The following ATL3 variants were observed in gnomAD, a reference collection of about 807,000 sequenced individuals.
The protein encoded by ATL3 is atlastin-3.
In ATL3, 49 loss-of-function variants were observed where a neutral mutation model predicts 69.5. The observed-to-expected ratio is 0.71, with a 90% confidence interval of 0.56 to 0.89. ATL3 has a LOEUF of 0.89. Ranked by LOEUF, ATL3 falls within the 40% of genes least tolerant of loss-of-function variation. ATL3 has a pLI of 0.00. For missense variants in ATL3, 606 were observed against 645.7 expected (o/e 0.94, Z 0.67); for synonymous variants, 214 against 224.1 (o/e 0.95, Z 0.40).
At chr11:63,649,343 A>G (rs2134501884) in intron 5 of ATL3, among the ~76,000 whole-genome samples, 1 of 152,128 alleles carries the variant, frequency 6.6e-6, no homozygotes, top group South Asian at 2.1e-4. Context: ...ACGGGGTTTC[A>G]CCATGTTTGC....
rs1478158059 is a variant in ATL3, at chr11:63,632,926, T to TG, written c.1107+99_1107+100insC. ...ACCTGAATATAAGTTTATTGCCTCA[T>TG]CACTTAAAGATACATTAAGTAGGAT... On this transcript the variant is annotated intron_variant, in intron 11 of 12. Transcript: ENST00000398868. The TG allele has an allele frequency of 3.8e-6, 4 of 1,061,108 alleles. No individual in the cohort carries two copies. In the African/African-American group the frequency reaches 6.3e-5, roughly 17 times the overall value. The allele number at this position is 1,061,108 out of a possible 1,614,324, so 65.7% of individuals were successfully genotyped here. A position where few individuals can be genotyped will look rare whatever the true frequency, so the allele number is the denominator to read the frequency against.
At chr11:63,671,724 C>T (rs746048708), upstream of ATL3, 1 of 1,263,216 alleles carries the variant, frequency 7.9e-7, no homozygotes. Flanking sequence ...ATACTGCGCA[C>T]TCATCTGGGG....
chr11:63,664,193 A>G (rs922394978), intron 1 of ATL3, among the ~76,000 whole-genome samples: 2 of 152,218 alleles, frequency 1.3e-5, no homozygotes, highest in African/African-American at 2.4e-5. Context: ...GGACTTTACA[A>G]TTAAGTTCAT....
At chr11:63,646,475 G>A (rs775915178) in intron 6 of ATL3, 32 bp downstream of exon 6, 1 of 1,331,422 alleles carries the variant, frequency 7.5e-7, no homozygotes, top group Non-Finnish European at 1.0e-6. Context: ...AAAAACAAAG[G>A]TATGAATTAT....
chr11:63,661,803 C>A lies in ATL3; in HGVS notation c.47-2551G>T, dbSNP rs576317047. 5.9e-4 allele frequency among the ~76,000 whole-genome samples: 89 copies of A among 149,698 alleles called. 1 individual carries two copies. In the South Asian group the frequency reaches 0.019, roughly 31 times the overall value. ...ACTTAGGAGGCTGAGGCAGGAGAAT[C>A]GCTTGAACCCAGTAGGTGGAGGTTG... On this transcript the variant is annotated intron_variant, in intron 1 of 12. Transcript: ENST00000398868.
intron 8 of ATL3, among the ~76,000 whole-genome samples, chr11:63,641,617 G>C (rs1590726710): frequency 2.0e-5 from 3 of 152,292 alleles, no homozygotes; most frequent in South Asian, 4.1e-4. Context: ...GTGTGGGACA[G>C]GTTCTCCTTC....
rs769601942 is a variant in ATL3, at chr11:63,631,453, G to A, written c.1126C>T (p.Pro376Ser). The change falls in exon 12 of 13, where the codon CCT (proline) becomes TCT (serine). Residue 376 changes from proline (P) to serine (S), a missense_variant. Transcript: ENST00000398868. ...NMEEVCGGEK[P>S]YLSPDILEEK... ...TCTAGAATGTCTGGAGACAAATAAG[G>A]TTTCTCTCCCCCACAAACCTAAAAA... The A allele has an allele frequency of 6.2e-7, 1 of 1,606,880 alleles. No individual in the cohort carries two copies. Among genetic ancestry groups the A allele is most frequent in the Non-Finnish European group, 8.5e-7 (1 of 1,176,234 alleles).
intron 6 of ATL3, among the ~76,000 whole-genome samples, chr11:63,645,623 C>T (rs1308475847): frequency 2.6e-5 from 4 of 151,928 alleles, no homozygotes; most frequent in African/African-American, 9.7e-5. Flanking sequence ...GACGGTCTTG[C>T]TTTGTTACCC....
intron 11 of ATL3, chr11:63,632,528 A>G: frequency 1.2e-6 from 1 of 865,032 alleles, no homozygotes. Flanking sequence ...GATTTCTTTA[A>G]AAGCTACAGT....
At chr11:63,646,070 T>TC (rs1382573291) in intron 6 of ATL3, among the ~76,000 whole-genome samples, 5 of 151,242 alleles carry the variant, frequency 3.3e-5, no homozygotes, top group Non-Finnish European at 1.5e-5. Context: ...ACCCCCATTT[T>TC]TTTAAGAGAT....
At chr11:63,630,265 A>T (rs1018454089) in intron 12 of ATL3, among the ~76,000 whole-genome samples, 2 of 151,342 alleles carry the variant, frequency 1.3e-5, no homozygotes, top group African/African-American at 2.4e-5. Flanking sequence ...AAAAAAAAAA[A>T]AATACAGAAA....
rs1319331095 is a variant in ATL3, at chr11:63,631,464, C to T, written c.1115G>A (p.Gly372Glu). Residue 372 changes from glycine to glutamate, a missense_variant, in exon 12 of 13, where the codon GGG becomes GAG. Gly to Glu is a moderately conservative substitution (Grantham distance 98, BLOSUM62 -2). Coordinates refer to ENST00000398868, the MANE Select transcript of ATL3 (RefSeq NM_015459.5). ...IYYNNMEEVCGGEKPYLSPDI... is the reference protein window; with the variant it reads ...IYYNNMEEVCEGEKPYLSPDI... ...TGGAGACAAATAAGGTTTCTCTCCC[C>T]CACAAACCTAAAAAGAACAAAGAAA... is the stretch of plus-strand genomic sequence containing the variant. The T allele has an allele frequency of 6.3e-7, 1 of 1,594,668 alleles. No homozygotes were observed. Among genetic ancestry groups the T allele is most frequent in the Non-Finnish European group, 8.5e-7 (1 of 1,172,008 alleles).
chr11:63,643,219 A>G (rs1375129408), intron 8 of ATL3, 138 bp downstream of exon 8: 1 of 944,210 alleles, frequency 1.1e-6, no homozygotes, highest in Non-Finnish European at 1.5e-6. Context: ...CAGGAGCAAA[A>G]TCTGAACTAG....
At chr11:63,635,907 C>A (rs1240148451) in intron 9 of ATL3, among the ~76,000 whole-genome samples, 1 of 146,696 alleles carries the variant, frequency 6.8e-6, no homozygotes, top group Non-Finnish European at 1.5e-5. Context: ...GCCGTCTCCT[C>A]CTACTCACAG....
intron 8 of ATL3, among the ~76,000 whole-genome samples, chr11:63,639,197 C>T (rs1020705005): frequency 5.3e-5 from 8 of 152,154 alleles, no homozygotes; most frequent in African/African-American, 1.9e-4. Context: ...ACAAATCACC[C>T]GCTATTTGCA....
chr11:63,668,977 A>T, intron 1 of ATL3, among the ~76,000 whole-genome samples: 1 of 136,862 alleles, frequency 7.3e-6, no homozygotes. Context: ...GGCCTGCAAC[A>T]CCACGTTGGC....
rs376564548 is a variant in ATL3, at chr11:63,652,508, G to GTA, written c.471_472dup (p.Thr158IlefsTer6). ...AGTCATAGTGCTTAGAGCAAAGATGGTAGCACAGTCTTTCACAGTTGACTG... is the reference window on the plus strand; with the variant it reads ...AGTCATAGTGCTTAGAGCAAAGATGGTATAGCACAGTCTTTCACAGTTGACTG... On this transcript the variant is annotated frameshift_variant, in exon 4 of 13. Transcript: ENST00000398868. LOFTEE classifies it high-confidence loss of function. 6.2e-7 allele frequency: 1 copy of GTA among 1,611,126 alleles called. No homozygotes were observed. The highest frequency in any genetic ancestry group is 1.3e-5 in the African/African-American group (1 of 74,990).
chr11:63,657,208 C>CAAAAAAAAAA (rs1254213240), intron 3 of ATL3, among the ~76,000 whole-genome samples: 3 of 59,914 alleles, frequency 5.0e-5, no homozygotes, highest in Admixed American at 1.9e-4. Flanking sequence ...GACTACATCT[C>CAAAAAAAAAA]AAAAAAAAAA....
At chr11:63,634,777 C>T (rs890795164) in intron 10 of ATL3, among the ~76,000 whole-genome samples, 1 of 152,000 alleles carries the variant, frequency 6.6e-6, no homozygotes, top group African/African-American at 2.4e-5. Context: ...CTTAGCACTT[C>T]GGGAAGCTGA....
Sources: allele counts gnomAD v4.1 joint callset (sites outside exome capture counted in the v4.1 genomes callset), GRCh38; gene constraint gnomAD v4.1.1; transcripts MANE v1.5; gene names NCBI Gene and HGNC (gene_info 2026-07-23, HGNC 2026-07-21).